Variants in VPS13D observed in about 807,000 individuals in gnomAD.
VPS13D encodes intermembrane lipid transfer protein VPS13D.
A neutral mutation model predicts 461.9 loss-of-function variants in VPS13D; 187 were observed. The observed-to-expected ratio is 0.40, with a 90% CI of 0.36 to 0.46. The LOEUF (loss-of-function observed/expected upper bound fraction) is 0.46. VPS13D is among the 20% of genes least tolerant of loss of function. The pLI, the probability that VPS13D is intolerant of heterozygous loss-of-function variation, is 0.60. For synonymous variants in VPS13D, 1,951 were observed against 1,986.3 expected, an observed-to-expected ratio of 0.98 and a Z score of 0.47; for missense variants, 4,711 against 5,364.9, an observed-to-expected ratio of 0.88 and a Z score of 3.81.
At position 12,279,784 on chromosome 1, in the gene VPS13D, G is replaced by A. The variant is rs1641722393; in HGVS notation, c.4602+134G>A. ...TATATCACCCATGCATAATACCATT[G>A]TTGAAACCTTGTTCCAATAATTGTG... On this transcript the variant is annotated intron_variant, in intron 20 of 69. Coordinates refer to ENST00000620676, the MANE Select transcript of VPS13D (RefSeq NM_015378.4). This position sits in a 1 kb window ranked among gnomAD's most constrained non-coding sequence, Gnocchi z 4.3. 1 of 786,128 alleles carries A rather than the reference G, an allele frequency of 1.3e-6. No homozygotes were observed. Among genetic ancestry groups the A allele is most frequent in the African/African-American group, 1.8e-5 (1 of 56,284 alleles). The allele number at this position is 786,128 out of a possible 1,614,324, so 48.7% of individuals were successfully genotyped here. A position where few individuals can be genotyped will look rare whatever the true frequency, so the allele number is the denominator to read the frequency against.
At chr1:12,319,761 TCCTC>T in intron 32 of VPS13D, 131 bp downstream of exon 32, 1 of 1,342,956 alleles carries the variant, frequency 7.4e-7, no homozygotes, top group South Asian at 1.5e-5. Flanking sequence ...TGCCCTCTTT[TCCTC>T]TTTGTTTTCT....
intron 38 of VPS13D, among the ~76,000 whole-genome samples, 191 bp from the exon 39 acceptor site, chr1:12,335,514 G>A (rs774943637): frequency 6.6e-6 from 1 of 152,112 alleles, no homozygotes; most frequent in African/African-American, 2.4e-5. Context: ...TGTGGCGATG[G>A]TTGTCTATTC....
At chr1:12,470,532 C>A (rs1409312886) in intron 67 of VPS13D, among the ~76,000 whole-genome samples, 1 of 152,196 alleles carries the variant, frequency 6.6e-6, no homozygotes, top group Admixed American at 6.5e-5. Context: ...ATATTCAGAT[C>A]CATCACTTAG....
intron 12 of VPS13D, among the ~76,000 whole-genome samples, chr1:12,261,643 G>C (rs933300461): frequency 6.6e-6 from 1 of 152,216 alleles, no homozygotes; most frequent in Non-Finnish European, 1.5e-5. Flanking sequence ...ATGCTGGGCA[G>C]CACTGCTTTA....
At chr1:12,390,270 T>C (rs920292714) in intron 60 of VPS13D, among the ~76,000 whole-genome samples, 1 of 152,174 alleles carries the variant, frequency 6.6e-6, no homozygotes, top group Non-Finnish European at 1.5e-5. Flanking sequence ...TACCATATAT[T>C]GGATGCTGAT....
At chr1:12,367,968 A>C (rs975673340) in intron 52 of VPS13D, among the ~76,000 whole-genome samples, 3 of 152,112 alleles carry the variant, frequency 2.0e-5, no homozygotes, top group African/African-American at 7.2e-5. Context: ...ATGAGGTCTC[A>C]CCACGTTGCC....
chr1:12,273,004 A>C lies in VPS13D; in HGVS notation c.2105A>C (p.Glu702Ala). 1 of 1,613,878 alleles carries C rather than the reference A, an allele frequency of 6.2e-7. No individual in the cohort carries two copies. Among genetic ancestry groups the C allele is most frequent in the South Asian group, 1.1e-5 (1 of 91,048 alleles). The part of the protein sequence containing the change: ...LDRLLVGDFI[E>A]ESKRWTVRLD... ...TTAATGACTGTTTTATTTGTACAGG[A>C]GGAGAGTAAACGATGGACCGTGCGG... The change falls in exon 18 of 70, where the codon GAG (glutamate) becomes GCG (alanine). Residue 702 changes from glutamate (E) to alanine (A), a missense_variant and splice_region_variant. This residue lies in a region of VPS13D where 4,411 missense variants were observed against 4,937.8 expected (regional missense o/e 0.89). Transcript: ENST00000620676.
intron 2 of VPS13D, among the ~76,000 whole-genome samples, chr1:12,237,239 TA>T (rs1206647010): frequency 4.4e-5 from 6 of 136,700 alleles, no homozygotes; most frequent in African/African-American, 1.6e-4. Flanking sequence ...TAAAGACAAA[TA>T]AAAAAAATAC....
Position 12,356,031 on chromosome 1 carries a change from G to C in VPS13D, c.9812G>C (p.Arg3271Pro). 6.2e-7 allele frequency: 1 copy of C among 1,613,942 alleles called. No homozygotes were observed. The highest frequency in any genetic ancestry group is 8.5e-7 in the Non-Finnish European group (1 of 1,179,934). The change falls in exon 48 of 70, where the codon CGA (arginine) becomes CCA (proline). Residue 3271 changes from arginine to proline, a missense_variant. Physicochemically the swap from Arg to Pro is moderately radical, Grantham distance 103 (BLOSUM62 -2). Coordinates refer to ENST00000620676, the MANE Select transcript of VPS13D (RefSeq NM_015378.4). ...QLNLTIRIVC[R>P]AEGSLKIFIS... ...AACCTCACCATCCGGATTGTGTGTC[G>C]AGCAGAAGGATCCTTAAAGATCTTC...
chr1:12,240,543 C>T (rs1027585362), intron 2 of VPS13D, among the ~76,000 whole-genome samples: 2 of 139,374 alleles, frequency 1.4e-5, no homozygotes, highest in African/African-American at 2.8e-5. Flanking sequence ...TGCAGTGAGC[C>T]GAGATCGCGC....
chr1:12,231,805 T>C (rs998236691), intron 1 of VPS13D, among the ~76,000 whole-genome samples: 1 of 152,102 alleles, frequency 6.6e-6, no homozygotes, highest in Non-Finnish European at 1.5e-5. Flanking sequence ...CTGGCCAACA[T>C]GATGAAACCC....
At chr1:12,311,184 G>A (rs1218140130) in intron 27 of VPS13D, among the ~76,000 whole-genome samples, 5 of 152,092 alleles carry the variant, frequency 3.3e-5, no homozygotes, top group Non-Finnish European at 7.4e-5. Flanking sequence ...CCAAAGTGCT[G>A]GGATTATAGG....
rs773358394 is a variant in VPS13D, at chr1:12,277,644, C to A, written c.4056C>A (p.Pro1352=). The change falls in exon 19 of 70, where the codon CCC becomes CCA. Residue 1352 remains proline, a synonymous_variant. Coordinates refer to ENST00000620676, the MANE Select transcript of VPS13D (RefSeq NM_015378.4). The part of the protein sequence containing the change: ...LFETPRKTRE[P]FILEENEIYG... ...AAACTCCAAGGAAGACTCGGGAACC[C>A]TTTATCTTAGAGGAAAATGAAATAT... The A allele has an allele frequency of 6.2e-7, 1 of 1,613,964 alleles. No individual in the cohort carries two copies. The highest frequency in any genetic ancestry group is 1.3e-5 in the African/African-American group (1 of 74,916).
chr1:12,379,748 A>G, intron 57 of VPS13D, 152 bp downstream of exon 57: 2 of 543,706 alleles, frequency 3.7e-6, no homozygotes, highest in South Asian at 5.1e-5. Context: ...AAAGGAAGTC[A>G]GAGTTTTGTT....
At chr1:12,327,926 T>C in intron 36 of VPS13D, 72 bp downstream of exon 36, 1 of 1,472,534 alleles carries the variant, frequency 6.8e-7, no homozygotes, top group Non-Finnish European at 9.2e-7. Context: ...GGGGCCTTTT[T>C]TTTTTTGTCA....
chr1:12,426,089 G>C (rs2100278484), intron 65 of VPS13D, among the ~76,000 whole-genome samples: 1 of 152,310 alleles, frequency 6.6e-6, no homozygotes, highest in Non-Finnish European at 1.5e-5. Context: ...CTCTAATCTA[G>C]TGTAAAAGGG....
chr1:12,483,766 G>A (rs1008680100), intron 67 of VPS13D, among the ~76,000 whole-genome samples: 27 of 151,794 alleles, frequency 1.8e-4, no homozygotes, highest in African/African-American at 6.5e-4. Context: ...TTGGGAGGCC[G>A]AGGTGGGCGG....
At chr1:12,415,887 A>G (rs1218164667) in intron 64 of VPS13D, among the ~76,000 whole-genome samples, 1 of 142,294 alleles carries the variant, frequency 7.0e-6, no homozygotes, top group African/African-American at 3.0e-5. Context: ...AAGTACAGAA[A>G]GAGTGGAGGG....
Position 12,507,476 on chromosome 1 carries a change from G to T in VPS13D, c.13035+383G>T. 5 of 474,876 alleles carry T rather than the reference G, an allele frequency of 1.1e-5. No homozygotes were observed. Among genetic ancestry groups the T allele is most frequent in the South Asian group, 4.8e-5 (3 of 62,244 alleles). The allele number at this position is 474,876 out of a possible 1,614,324, so 29.4% of individuals were successfully genotyped here. A position where few individuals can be genotyped will look rare whatever the true frequency, so the allele number is the denominator to read the frequency against. ...AATCGAAGAAAGCACTGGAGCTCAC[G>T]CTGGTTTCTCCATTGTTTCTCCTTA... On this transcript the variant is annotated intron_variant, in intron 69 of 69. Coordinates refer to ENST00000620676, the MANE Select transcript of VPS13D (RefSeq NM_015378.4). This position sits in a 1 kb window ranked among gnomAD's most constrained non-coding sequence, Gnocchi z 5.3.
Sources: allele counts gnomAD v4.1 joint callset (sites outside exome capture counted in the v4.1 genomes callset), GRCh38; gene constraint gnomAD v4.1.1; regional missense constraint gnomAD v4.1.1; non-coding constraint Gnocchi (gnomAD v3.1); transcripts MANE v1.5; gene names NCBI Gene and HGNC (gene_info 2026-07-23, HGNC 2026-07-21).